The following BICRA variants were observed in gnomAD, a reference collection of about 807,000 sequenced individuals.
BICRA encodes the protein BRD4 interacting chromatin remodeling complex associated protein.
BICRA carries 31 observed loss-of-function variants against 96.9 expected under a neutral mutation model. The observed-to-expected ratio is 0.32, with a 90% CI of 0.24 to 0.43. The LOEUF is 0.43. BICRA is among the 20% of genes least tolerant of loss of function. The pLI is 1.00. For missense variants in BICRA, 2,283 were observed against 2,190.3 expected (o/e 1.04, Z -0.84); for synonymous variants, 1,350 against 1,071.8 (o/e 1.26, Z -5.07).
At chr19:47,689,688 A>G (rs1293642980) in intron 7 of BICRA, among the ~76,000 whole-genome samples, 2 of 139,370 alleles carry the variant, frequency 1.4e-5, no homozygotes, top group African/African-American at 5.2e-5. Context: ...TGGGATTATT[A>G]TAGGCGTGAG....
intron 1 of BICRA, among the ~76,000 whole-genome samples, chr19:47,660,516 A>ACATCCTAAGAGCTTAACTTCTAGGCGT (rs1972688463): frequency 6.6e-6 from 1 of 152,174 alleles, no homozygotes; most frequent in African/African-American, 2.4e-5. Flanking sequence ...CCTTGGAAAT[A>ACATCCTAAGAGCTTAACTTCTAGGCGT]CATCCTAAGA....
At position 47,614,574 on chromosome 19, in the gene BICRA, G is replaced by A. The variant is rs1341965069; in HGVS notation, c.-108+5406G>A. Among the ~76,000 whole-genome samples, 6 of 152,328 alleles carry A rather than the reference G, an allele frequency of 3.9e-5. No individual in the cohort carries two copies. The East Asian group carries it at 1.2e-3, about 29-fold the overall frequency. ...GGAGGTTGCGGTGAGCCGAGATTGC[G>A]GTAGCACTGCACTCCACTCCAGCCT... is the stretch of plus-strand genomic sequence containing the variant. On this transcript the variant is annotated intron_variant, in intron 1 of 14. Coordinates refer to ENST00000594866, the MANE Select transcript of BICRA (RefSeq NM_001394372.1).
At chr19:47,613,551 C>T (rs902155285) in intron 1 of BICRA, among the ~76,000 whole-genome samples, 5 of 152,248 alleles carry the variant, frequency 3.3e-5, no homozygotes, top group South Asian at 4.1e-4. Flanking sequence ...AGCAGTCACC[C>T]GTGCCGTGTC....
intron 5 of BICRA, among the ~76,000 whole-genome samples, chr19:47,677,226 A>G (rs1481901335): frequency 1.3e-5 from 2 of 152,296 alleles, no homozygotes; most frequent in East Asian, 3.9e-4. Context: ...TGAACCCTCC[A>G]TGTGGATTTA....
At chr19:47,673,638 C>T (rs1972897903) in intron 3 of BICRA, 23 bp downstream of exon 3, 1 of 1,587,452 alleles carries the variant, frequency 6.3e-7, no homozygotes, top group Non-Finnish European at 8.7e-7. Context: ...CTCCCCACCC[C>T]CTGCCCTCTG....
chr19:47,620,072 T>G (rs956202981), intron 1 of BICRA, among the ~76,000 whole-genome samples: 1 of 152,156 alleles, frequency 6.6e-6, no homozygotes, highest in African/African-American at 2.4e-5. Context: ...GGGTTGAGCA[T>G]CTTCGGCTCA....
chr19:47,680,028 C>G lies in BICRA; in HGVS notation c.858C>G (p.Gly286=). The G allele has an allele frequency of 6.5e-7, 1 of 1,540,908 alleles. No individual in the cohort carries two copies. Among genetic ancestry groups the G allele is most frequent in the African/African-American group, 1.4e-5 (1 of 71,808 alleles). ...ASAGVSPQGA[G]LVIQKNLSAA... ...CCGGTGTCTCGCCACAGGGGGCTGG[C>G]CTGGTCATCCAGAAGAACCTCTCGG... The change falls in exon 6 of 15, where the codon GGC becomes GGG. Residue 286 remains glycine (G), a synonymous_variant. Coordinates refer to ENST00000594866, the MANE Select transcript of BICRA (RefSeq NM_001394372.1).
In BICRA at chr19:47,695,496, G is replaced by T. The variant is rs1178751896; in HGVS notation, c.3186+22G>T. ...GCAGGTAAGGGGCCCTTAGAGCAGGGGTCAGGACAGGACCAGGAGTCTTCG... is the reference window on the plus strand; with the variant it reads ...GCAGGTAAGGGGCCCTTAGAGCAGGTGTCAGGACAGGACCAGGAGTCTTCG... On this transcript the variant is annotated intron_variant, in intron 10 of 14. Transcript: ENST00000594866. The T allele has an allele frequency of 3.5e-6, 4 of 1,129,104 alleles. No individual in the cohort carries two copies. The African/African-American group carries it at 4.6e-5, about 13-fold the overall frequency. The allele number at this position is 1,129,104 out of a possible 1,614,324, so 69.9% of individuals were successfully genotyped here.
At chr19:47,618,886 G>A (rs1484323734) in intron 1 of BICRA, among the ~76,000 whole-genome samples, 1 of 152,208 alleles carries the variant, frequency 6.6e-6, no homozygotes, top group Non-Finnish European at 1.5e-5. Context: ...CACCTTTCCA[G>A]AGGCTGGATG....
chr19:47,668,670 G>T (rs1295861154), intron 1 of BICRA, among the ~76,000 whole-genome samples: 1 of 151,810 alleles, frequency 6.6e-6, no homozygotes, highest in African/African-American at 2.4e-5. Flanking sequence ...TCTATTTTTA[G>T]TAGAGACTAA....
Position 47,702,208 on chromosome 19 carries a change from G to A in BICRA, c.4476G>A (p.Pro1492=), listed in dbSNP as rs1599876256. Residue 1492 remains proline (P), a synonymous_variant, in exon 15 of 15, where the codon CCG becomes CCA. Coordinates refer to ENST00000594866, the MANE Select transcript of BICRA (RefSeq NM_001394372.1). ...VDQASFSSDS[P]QDDTLTEHLQ... ...AGGCCAGCTTCTCCAGCGACAGCCC[G>A]CAGGATGACACGCTCACCGAGCACC... is the stretch of plus-strand genomic sequence containing the variant. 6.3e-7 allele frequency: 1 copy of A among 1,595,932 alleles called. No homozygotes were observed. Among genetic ancestry groups the A allele is most frequent in the African/African-American group, 1.3e-5 (1 of 74,184 alleles).
intron 1 of BICRA, among the ~76,000 whole-genome samples, chr19:47,628,121 A>G (rs1441332929): frequency 2.0e-5 from 3 of 152,162 alleles, no homozygotes; most frequent in East Asian, 1.9e-4. Flanking sequence ...GCACATGACA[A>G]CATGACAAGG....
At chr19:47,665,504 G>C (rs1972765366) in intron 1 of BICRA, among the ~76,000 whole-genome samples, 1 of 152,154 alleles carries the variant, frequency 6.6e-6, no homozygotes, top group Non-Finnish European at 1.5e-5. Flanking sequence ...GGGTCTCGCT[G>C]TCTTGCCCAG....
intron 11 of BICRA, among the ~76,000 whole-genome samples, chr19:47,697,839 G>A (rs538768363): frequency 6.6e-6 from 1 of 151,900 alleles, no homozygotes; most frequent in Non-Finnish European, 1.5e-5. Context: ...TGAGTAGCTG[G>A]GACTACAGGC....
In BICRA at chr19:47,702,867, C is replaced by G. The variant is rs1048648022; in HGVS notation, c.*452C>G. The G allele has an allele frequency of 1.1e-5, 2 of 184,992 alleles. No homozygotes were observed. The highest frequency in any genetic ancestry group is 4.8e-5 in the African/African-American group (2 of 41,896). 11.5% of individuals were successfully genotyped at this position (184,992 alleles called of 1,614,324 possible). The stretch of plus-strand genomic sequence containing the variant: ...CAGTCTCAGCCTCTCCCCGCCGCCC[C>G]CAACAGGCTGTCAAACAAAACCGGA... On this transcript the variant is annotated 3_prime_UTR_variant, in exon 15 of 15. Transcript: ENST00000594866.
chr19:47,683,835 C>A (rs900818738), intron 7 of BICRA, among the ~76,000 whole-genome samples: 4 of 152,216 alleles, frequency 2.6e-5, no homozygotes, highest in African/African-American at 9.6e-5. Flanking sequence ...CCACCCGCCT[C>A]AGCCTCCCAA....
chr19:47,693,401 C>T (rs1347936753), intron 7 of BICRA, among the ~76,000 whole-genome samples: 1 of 152,218 alleles, frequency 6.6e-6, no homozygotes, highest in Non-Finnish European at 1.5e-5. Context: ...ACGTGGCGCC[C>T]AGGTAGGCCT....
intron 2 of BICRA, among the ~76,000 whole-genome samples, chr19:47,671,597 G>A (rs1168448979): frequency 1.3e-5 from 2 of 152,080 alleles, no homozygotes; most frequent in Non-Finnish European, 2.9e-5. Flanking sequence ...TTGGCAGAAG[G>A]GAAGGAGGGG....
At chr19:47,641,561 A>G (rs546182416) in intron 1 of BICRA, among the ~76,000 whole-genome samples, 61 of 152,306 alleles carry the variant, frequency 4.0e-4, no homozygotes, top group Non-Finnish European at 1.0e-4. Flanking sequence ...GAGACGGGAC[A>G]GTCGCTTGAG....
Sources: allele counts gnomAD v4.1 joint callset (sites outside exome capture counted in the v4.1 genomes callset), GRCh38; gene constraint gnomAD v4.1.1; transcripts MANE v1.5; gene names NCBI Gene and HGNC (gene_info 2026-07-23, HGNC 2026-07-21).